The following PSMC3 variants were observed in gnomAD, a reference collection of about 807,000 sequenced individuals.
The protein encoded by PSMC3 is proteasome 26S subunit, ATPase 3.
Under a neutral mutation model 52.0 loss-of-function variants are expected in PSMC3, and 11 were observed. The observed-to-expected ratio is 0.21, with a 90% CI of 0.13 to 0.35. PSMC3 has a LOEUF of 0.35. Ranked by LOEUF, PSMC3 falls within the 10% of genes least tolerant of loss-of-function variation. The pLI, the probability that PSMC3 is intolerant of heterozygous loss-of-function variation, is 1.00. For synonymous variants in PSMC3, 201 were observed against 218.8 expected (o/e 0.92, Z 0.72); for missense variants, 238 against 567.1 (o/e 0.42, Z 5.89).
In PSMC3 at chr11:47,419,015, C is replaced by A. The variant is rs1447198722; in HGVS notation, c.1210-70G>T. 4 of 1,603,740 alleles carry A rather than the reference C, an allele frequency of 2.5e-6. No homozygotes were observed. The Admixed American group carries it at 6.7e-5, about 27-fold the overall frequency. ...CTTCCCTGGCTCCCTGAGGCTCAGG[C>A]CTCTTCCCTCAGCCGTCTCCACCAG... On this transcript the variant is annotated intron_variant, in intron 11 of 11. Coordinates refer to ENST00000298852, the MANE Select transcript of PSMC3 (RefSeq NM_002804.5).
At position 47,425,912 on chromosome 11, in the gene PSMC3, C is replaced by T. The variant is rs1484554309; in HGVS notation, c.114G>A (p.Thr38=). The change falls in exon 2 of 12, where the codon ACG becomes ACA. Residue 38 remains threonine, a synonymous_variant. Transcript: ENST00000298852. ...GIGEEVLKMS[T]EEIIQRTRLL... ...GCCGTGTGCGCTGGATGATCTCCTC[C>T]GTGGACATCTTGAGCACCTCCTCCC... 2 of 1,614,116 alleles carry T rather than the reference C, an allele frequency of 1.2e-6. No individual in the cohort carries two copies. Among genetic ancestry groups the T allele is most frequent in the South Asian group, 1.1e-5 (1 of 91,084 alleles).
At position 47,422,872 on chromosome 11, in the gene PSMC3, C is replaced by T. The variant is rs774459029; in HGVS notation, c.693G>A (p.Thr231=). ...AGGCCCGGGCCAGGAGGGTCTTCCC[C>T]GTCCCTGGGGGCCCATACATCAGCA... ...KGVLMYGPPG[T]GKTLLARACA... is the part of the protein sequence containing the mutation. The change falls in exon 7 of 12, where the codon ACG becomes ACA. Residue 231 remains threonine, a synonymous_variant. Coordinates refer to ENST00000298852, the MANE Select transcript of PSMC3 (RefSeq NM_002804.5). The surrounding 1 kb of genome is among the most constrained non-coding windows in gnomAD (Gnocchi z 4.3). 49 of 1,613,454 alleles carry T rather than the reference C, an allele frequency of 3.0e-5. No individual in the cohort carries two copies. Among genetic ancestry groups the T allele is most frequent in the African/African-American group, 6.7e-5 (5 of 75,042 alleles).
chr11:47,420,357 G>A lies in PSMC3; in HGVS notation c.1034C>T (p.Ser345Leu), dbSNP rs1242700261. Residue 345 changes from serine (S) to leucine (L), a missense_variant, in exon 10 of 12, where the codon TCG becomes TTG. This residue lies in a region of PSMC3 where 46 missense variants were observed against 172.9 expected (regional missense o/e 0.27). Coordinates refer to ENST00000298852, the MANE Select transcript of PSMC3 (RefSeq NM_002804.5). ...VDILDPALLRSGRLDRKIEFP... is the reference protein window; with the variant it reads ...VDILDPALLRLGRLDRKIEFP... ...CTCTATCTTGCGGTCAAGGCGGCCC[G>A]AGCGGAGGAGGGCGGGGTCCAGGAT... The A allele has an allele frequency of 6.2e-7, 1 of 1,614,084 alleles. No homozygotes were observed. The highest frequency in any genetic ancestry group is 8.5e-7 in the Non-Finnish European group (1 of 1,180,044).
Position 47,424,405 on chromosome 11 carries a change from T to C in PSMC3, c.453+24A>G. 6.2e-7 allele frequency: 1 copy of C among 1,612,852 alleles called. No homozygotes were observed. ...GCTCAGCTAGTCACCAGAAAAGCAC[T>C]GCCTGGGCTCAGGCCCCACTCACCA... On this transcript the variant is annotated intron_variant, in intron 5 of 11. Coordinates refer to ENST00000298852, the MANE Select transcript of PSMC3 (RefSeq NM_002804.5). The surrounding 1 kb of genome is among the most constrained non-coding windows in gnomAD (Gnocchi z 4.8).
Position 47,424,509 on chromosome 11 carries a change from G to C in PSMC3, c.391-18C>G. 2 of 1,613,804 alleles carry C rather than the reference G, an allele frequency of 1.2e-6. No individual in the cohort carries two copies. The highest frequency in any genetic ancestry group is 1.7e-6 in the Non-Finnish European group (2 of 1,179,722). On this transcript the variant is annotated intron_variant, in intron 4 of 11. Transcript: ENST00000298852. This position sits in a 1 kb window ranked among gnomAD's most constrained non-coding sequence, Gnocchi z 4.8. ...AAGTACGTCTGTGGACAAGTTACAG[G>C]GGCAGTCTCAGTTAGTGTCCTCAGG...
chr11:47,418,904 G>A lies in PSMC3; in HGVS notation c.1251C>T (p.His417=), dbSNP rs760546886. 25 of 1,614,056 alleles carry A rather than the reference G, an allele frequency of 1.5e-5. No homozygotes were observed. The East Asian group carries it at 2.7e-4, about 17-fold the overall frequency. ...ALRRGATELT[H]EDYMEGILEV... ...CCAGGATGCCTTCCATGTAGTCCTC[G>A]TGGGTGAGCTCCGTGGCACCCCTGC... Residue 417 remains histidine, a synonymous_variant, in exon 12 of 12, where the codon CAC becomes CAT. Transcript: ENST00000298852.
Position 47,422,695 on chromosome 11 carries a change from G to A in PSMC3, c.763C>T (p.Gln255Ter). 1.2e-6 allele frequency: 2 copies of A among 1,614,196 alleles called. No homozygotes were observed. Among genetic ancestry groups the A allele is most frequent in the Non-Finnish European group, 1.7e-6 (2 of 1,180,034 alleles). Residue 255 changes from glutamine (Q) to a stop codon, truncating the protein, a stop_gained, in exon 8 of 12, where the codon CAG becomes TAG. Transcript: ENST00000298852. LOFTEE classifies it high-confidence loss of function. This position sits in a 1 kb window ranked among gnomAD's most constrained non-coding sequence, Gnocchi z 4.3. ...KATFLKLAGPQLVQMFIGDGA... is the reference protein window; with the variant it reads ...KATFLKLAGP ...TCTCCAATGAACATCTGCACCAGCTGGGGGCCAGCCAGCTTTAGGAAGGTG... is the reference window on the plus strand; with the variant it reads ...TCTCCAATGAACATCTGCACCAGCTAGGGGCCAGCCAGCTTTAGGAAGGTG...
At position 47,422,841 on chromosome 11, in the gene PSMC3, C is replaced by A; in HGVS notation, c.724G>T (p.Ala242Ser). ...CCCAAAGTACTCACCTTAGTCTGTG[C>A]GGCACAGGCCCGGGCCAGGAGGGTC... ...GKTLLARACA[A>S]QTKATFLKLA... Residue 242 changes from alanine to serine, a missense_variant, in exon 7 of 12, where the codon GCA (alanine) becomes TCA (serine). By Grantham distance (99) the Ala-to-Ser change is moderately conservative. Transcript: ENST00000298852. This position sits in a 1 kb window ranked among gnomAD's most constrained non-coding sequence, Gnocchi z 4.3. 3 of 1,610,198 alleles carry A rather than the reference C, an allele frequency of 1.9e-6. No individual in the cohort carries two copies. The highest frequency in any genetic ancestry group is 1.7e-6 in the Non-Finnish European group (2 of 1,177,784).
In PSMC3 at chr11:47,422,973, G is replaced by A. The variant is rs1238360649; in HGVS notation, c.592C>T (p.Leu198=). 6.2e-7 allele frequency: 1 copy of A among 1,606,484 alleles called. No homozygotes were observed. Among genetic ancestry groups the A allele is most frequent in the African/African-American group, 1.3e-5 (1 of 74,568 alleles). The change falls in exon 7 of 12, where the codon CTG becomes TTG. Residue 198 remains leucine (L), a splice_region_variant and synonymous_variant. Transcript: ENST00000298852. This position sits in a 1 kb window ranked among gnomAD's most constrained non-coding sequence, Gnocchi z 4.3. The part of the protein sequence containing the change: ...IGGLDKQIQE[L]VEAIVLPMNH... ...ATTGGCAAGACAATGGCCTCCACCA[G>A]CTGCCAGGAGGAAGTCCTGGGTGAG...
At chr11:47,421,724 C>T (rs920961088) in intron 8 of PSMC3, among the ~76,000 whole-genome samples, 5 of 151,588 alleles carry the variant, frequency 3.3e-5, no homozygotes, top group Admixed American at 3.3e-4. Flanking sequence ...ACAATCTCAG[C>T]CCACTGCAAC....
At position 47,419,195 on chromosome 11, in the gene PSMC3, G is replaced by C; in HGVS notation, c.1130C>G (p.Pro377Arg). The C allele has an allele frequency of 6.2e-7, 1 of 1,614,160 alleles. No individual in the cohort carries two copies. The change falls in exon 11 of 12, where the codon CCT becomes CGT. Residue 377 changes from proline (P) to arginine (R), a missense_variant and splice_region_variant. Physicochemically the swap from Pro to Arg is moderately radical, Grantham distance 103. Coordinates refer to ENST00000298852, the MANE Select transcript of PSMC3 (RefSeq NM_002804.5). ...QIHSRKMNVS[P>R]DVNYEELARC... ...GGCCAGCTCCTCGTAGTTCACGTCA[G>C]GACTGGGGACAGGACAGATACCACA...
At chr11:47,423,973 G>T in intron 6 of PSMC3, 73 bp downstream of exon 6, 1 of 1,600,746 alleles carries the variant, frequency 6.2e-7, no homozygotes, top group Non-Finnish European at 8.6e-7. Flanking sequence ...ACATTAGGGA[G>T]ATGAGCTGCA....
Position 47,422,802 on chromosome 11 carries a change from TC to T in PSMC3, c.735+27del. 5 of 1,601,048 alleles carry T rather than the reference TC, an allele frequency of 3.1e-6. No individual in the cohort carries two copies. Among genetic ancestry groups the T allele is most frequent in the Non-Finnish European group, 4.3e-6 (5 of 1,171,128 alleles). ...GGTAGAGTTTCTGCTCCTGCCCACT[TC>T]CCCCGCATCCCTCCCAAAGTACTCA... On this transcript the variant is annotated intron_variant, in intron 7 of 11. Coordinates refer to ENST00000298852, the MANE Select transcript of PSMC3 (RefSeq NM_002804.5). The surrounding 1 kb of genome is among the most constrained non-coding windows in gnomAD (Gnocchi z 4.3).
intron 10 of PSMC3, among the ~76,000 whole-genome samples, chr11:47,419,644 G>C (rs1213947862): frequency 6.6e-6 from 1 of 152,120 alleles, no homozygotes; most frequent in Admixed American, 6.6e-5. Context: ...CGGATCACAA[G>C]GTCAGGAAAT....
At chr11:47,426,092 C>T in intron 1 of PSMC3, 113 bp downstream of exon 1, 5 of 1,429,232 alleles carry the variant, frequency 3.5e-6, no homozygotes, top group Non-Finnish European at 4.8e-6. Context: ...TCCCAAACAA[C>T]CCCGTCCCCG....
chr11:47,421,237 G>A (rs1367571165), intron 8 of PSMC3, among the ~76,000 whole-genome samples: 1 of 118,962 alleles, frequency 8.4e-6, no homozygotes, highest in Non-Finnish European at 1.6e-5. Flanking sequence ...ACGACAGAGC[G>A]AGACTCCATC....
Position 47,424,360 on chromosome 11 carries a change from G to T in PSMC3, c.453+69C>A. 6.3e-7 allele frequency: 1 copy of T among 1,576,194 alleles called. No individual in the cohort carries two copies. The highest frequency in any genetic ancestry group is 8.7e-7 in the Non-Finnish European group (1 of 1,146,402). On this transcript the variant is annotated intron_variant, in intron 5 of 11. Transcript: ENST00000298852. This position sits in a 1 kb window ranked among gnomAD's most constrained non-coding sequence, Gnocchi z 4.8. ...TCTGCCAAGATTCAGAGCCAACAGT[G>T]ACCTGGGGCGGGTACAGGGGCTCAG... is the stretch of plus-strand genomic sequence containing the variant.
chr11:47,425,341 C>G, intron 2 of PSMC3, 95 bp from the exon 3 acceptor site: 1 of 1,454,378 alleles, frequency 6.9e-7, no homozygotes, highest in Non-Finnish European at 9.5e-7. Flanking sequence ...CCAGGGGACC[C>G]TCCCGCATCC....
At position 47,420,302 on chromosome 11, in the gene PSMC3, G is replaced by A; in HGVS notation, c.1089C>T (p.Ala363=). The part of the protein sequence containing the change: ...EFPMPNEEAR[A]RIMQIHSRKM... ...TTCGGGAGTGGATCTGCATGATTCT[G>A]GCCCGGGCCTCCTCATTGGGCATCG... is the stretch of plus-strand genomic sequence containing the variant. Residue 363 remains alanine (A), a synonymous_variant, in exon 10 of 12, where the codon GCC becomes GCT. Coordinates refer to ENST00000298852, the MANE Select transcript of PSMC3 (RefSeq NM_002804.5). 2.5e-6 allele frequency: 4 copies of A among 1,614,204 alleles called. No individual in the cohort carries two copies. Among genetic ancestry groups the A allele is most frequent in the Non-Finnish European group, 3.4e-6 (4 of 1,180,038 alleles).
Sources: gnomAD v4.1 joint callset for allele counts (sites outside exome capture counted in the v4.1 genomes callset) on GRCh38, gnomAD v4.1.1 for gene constraint, gnomAD v4.1.1 regional missense constraint, Gnocchi (gnomAD v3.1) non-coding constraint, MANE v1.5 for transcripts, NCBI Gene and HGNC (gene_info 2026-07-23, HGNC 2026-07-21) for gene names.